PLGRKT: variants seen among roughly 807,000 people sequenced by gnomAD.
PLGRKT encodes plasminogen receptor (KT).
Under a neutral mutation model 18.5 loss-of-function variants are expected in PLGRKT, and 22 were observed. The observed-to-expected ratio is 1.19, with a 90% CI of 0.85 to 1.70. The LOEUF (loss-of-function observed/expected upper bound fraction) is 1.70. PLGRKT is among the 40% of genes most tolerant of loss of function. PLGRKT has a pLI of 0.00. For synonymous variants in PLGRKT, 72 were observed against 52.8 expected, an observed-to-expected ratio of 1.36 and a Z score of -1.58; for missense variants, 235 against 174.4, an observed-to-expected ratio of 1.35 and a Z score of -1.96.
intron 3 of PLGRKT, among the ~76,000 whole-genome samples, chr9:5,389,479 A>C (rs1817906455): frequency 6.6e-6 from 1 of 152,002 alleles, no homozygotes; most frequent in Non-Finnish European, 1.5e-5. Flanking sequence ...TATGTAAAAA[A>C]TGCCATGTGC....
intron 3 of PLGRKT, among the ~76,000 whole-genome samples, chr9:5,375,089 A>C (rs1817602376): frequency 6.6e-6 from 1 of 152,218 alleles, no homozygotes; most frequent in South Asian, 2.1e-4. Flanking sequence ...TGAGAGGTCA[A>C]CTTCAGAAGC....
At chr9:5,404,797 G>T (rs1177060028) in intron 3 of PLGRKT, among the ~76,000 whole-genome samples, 2 of 152,148 alleles carry the variant, frequency 1.3e-5, no homozygotes, top group Admixed American at 6.5e-5. Context: ...GCAAGAGAAA[G>T]AAATAAAGTG....
chr9:5,359,905 T>C (rs1817225806), intron 5 of PLGRKT, among the ~76,000 whole-genome samples: 1 of 152,232 alleles, frequency 6.6e-6, no homozygotes, highest in African/African-American at 2.4e-5. Flanking sequence ...ACATGTTCAC[T>C]ATACATAAAA....
intron 3 of PLGRKT, among the ~76,000 whole-genome samples, chr9:5,371,258 G>A (rs1817509250): frequency 6.6e-6 from 1 of 152,176 alleles, no homozygotes; most frequent in South Asian, 2.1e-4. Context: ...AGTAAGTTGA[G>A]CAGCTGACAG....
At chr9:5,405,277 C>G (rs1471151284) in intron 3 of PLGRKT, among the ~76,000 whole-genome samples, 1 of 152,060 alleles carries the variant, frequency 6.6e-6, no homozygotes, top group Non-Finnish European at 1.5e-5. Flanking sequence ...CATATGGAAC[C>G]AAAAAAGAGC....
At chr9:5,430,344 C>G (rs896170906) in intron 3 of PLGRKT, among the ~76,000 whole-genome samples, 1 of 152,208 alleles carries the variant, frequency 6.6e-6, no homozygotes, top group Admixed American at 6.5e-5. Flanking sequence ...CATCGGATAG[C>G]TGGCTGATTT....
At chr9:5,386,201 T>C (rs1817839699) in intron 3 of PLGRKT, among the ~76,000 whole-genome samples, 1 of 151,896 alleles carries the variant, frequency 6.6e-6, no homozygotes, top group Non-Finnish European at 1.5e-5. Context: ...CAGGCTGACT[T>C]GCTGGCCTGC....
At chr9:5,435,880 G>A (rs1424956247) in intron 2 of PLGRKT, among the ~76,000 whole-genome samples, 1 of 152,228 alleles carries the variant, frequency 6.6e-6, no homozygotes, top group African/African-American at 2.4e-5. Context: ...CCAGCTAATG[G>A]GGTTCCAGGT....
At chr9:5,371,438 G>A (rs937347299) in intron 3 of PLGRKT, among the ~76,000 whole-genome samples, 9 of 152,170 alleles carry the variant, frequency 5.9e-5, no homozygotes, top group African/African-American at 2.2e-4. Flanking sequence ...CTATTCTCAT[G>A]ACAGCGAATA....
At chr9:5,413,943 G>A (rs1034533949) in intron 3 of PLGRKT, among the ~76,000 whole-genome samples, 3 of 152,110 alleles carry the variant, frequency 2.0e-5, no homozygotes, top group South Asian at 2.1e-4. Context: ...AGTAAACAAT[G>A]TATCAATGAT....
chr9:5,387,605 A>T (rs1307823914), intron 3 of PLGRKT, among the ~76,000 whole-genome samples: 1 of 151,866 alleles, frequency 6.6e-6, no homozygotes, highest in Non-Finnish European at 1.5e-5. Context: ...AAATTAATTT[A>T]TGGGGATAGA....
intron 3 of PLGRKT, among the ~76,000 whole-genome samples, chr9:5,411,252 G>A (rs1818358278): frequency 6.6e-6 from 1 of 151,860 alleles, no homozygotes; most frequent in African/African-American, 2.4e-5. Flanking sequence ...GGCCACAGTG[G>A]CATGCGTCTA....
At chr9:5,378,458 C>A (rs1018733572) in intron 3 of PLGRKT, among the ~76,000 whole-genome samples, 28 of 152,034 alleles carry the variant, frequency 1.8e-4, no homozygotes, top group African/African-American at 5.6e-4. Context: ...TAATGTTGAA[C>A]AAAAGAACCC....
At chr9:5,364,360 T>C (rs1023717826) in intron 3 of PLGRKT, among the ~76,000 whole-genome samples, 3 of 152,186 alleles carry the variant, frequency 2.0e-5, no homozygotes, top group Non-Finnish European at 4.4e-5. Context: ...ACCTGGGAAC[T>C]CTCAAAAGAT....
chr9:5,390,585 G>C (rs539137321), intron 3 of PLGRKT, among the ~76,000 whole-genome samples: 28 of 151,934 alleles, frequency 1.8e-4, no homozygotes, highest in African/African-American at 6.8e-4. Flanking sequence ...AAATCAAGTT[G>C]GGGTTAGTGG....
chr9:5,395,204 C>T (rs1336594228), intron 3 of PLGRKT, among the ~76,000 whole-genome samples: 1 of 151,536 alleles, frequency 6.6e-6, no homozygotes, highest in African/African-American at 2.4e-5. Flanking sequence ...GAGAAGTATT[C>T]GACAACTAGT....
Position 5,429,864 on chromosome 9 carries a change from C to A in PLGRKT, c.81+2033G>T, listed in dbSNP as rs556965425. Reference sequence around the variant, plus strand: ...CTGCTGAGCTCTTGTTAAAAATGAACCCATGGAGGCTTGTAACTCCCAGGT... The same window carrying A: ...CTGCTGAGCTCTTGTTAAAAATGAAACCATGGAGGCTTGTAACTCCCAGGT... On this transcript the variant is annotated intron_variant, in intron 3 of 5. Transcript: ENST00000223864. Among the ~76,000 whole-genome samples the A allele has an allele frequency of 3.3e-5, 5 of 152,242 alleles. No homozygotes were observed. In the South Asian group the frequency reaches 1.0e-3, roughly 32 times the overall value.
intron 3 of PLGRKT, among the ~76,000 whole-genome samples, chr9:5,419,569 T>G (rs867215604): frequency 6.6e-6 from 1 of 152,156 alleles, no homozygotes; most frequent in Admixed American, 6.5e-5. Flanking sequence ...AACTGACATT[T>G]CGCCAAAGCA....
intron 3 of PLGRKT, among the ~76,000 whole-genome samples, chr9:5,414,762 T>G (rs751839351): frequency 6.6e-6 from 1 of 152,164 alleles, no homozygotes; most frequent in South Asian, 2.1e-4. Context: ...CTAAAACTAT[T>G]TTACATGTCT....
Sources: allele counts gnomAD v4.1 joint callset (sites outside exome capture counted in the v4.1 genomes callset), GRCh38; gene constraint gnomAD v4.1.1; transcripts MANE v1.5; gene names NCBI Gene and HGNC (gene_info 2026-07-23, HGNC 2026-07-21).